SPAG16: variants seen among roughly 807,000 people sequenced by gnomAD.
The protein encoded by SPAG16 is sperm-associated antigen 16 protein.
In SPAG16, 86 loss-of-function variants were observed where a neutral mutation model predicts 80.4. The observed-to-expected ratio is 1.07, with a 90% CI of 0.90 to 1.28. The LOEUF (loss-of-function observed/expected upper bound fraction) is 1.28. Among genes scored for constraint, SPAG16 ranks in the 50% most tolerant of loss-of-function variants. The pLI is 0.00. For synonymous variants in SPAG16, 294 were observed against 265.9 expected, an observed-to-expected ratio of 1.11 and a Z score of -1.03; for missense variants, 870 against 765.3, an observed-to-expected ratio of 1.14 and a Z score of -1.61.
chr2:213,309,958 A>C, intron 3 of SPAG16, 101 bp from the exon 4 acceptor site: 1 of 692,390 alleles, frequency 1.4e-6, no homozygotes, highest in Non-Finnish European at 2.4e-6. Flanking sequence ...AACATTGTTG[A>C]AAAAAAATGA....
At chr2:213,719,330 C>A (rs1456448242) in intron 10 of SPAG16, among the ~76,000 whole-genome samples, 1 of 151,756 alleles carries the variant, frequency 6.6e-6, no homozygotes, top group Non-Finnish European at 1.5e-5. Context: ...GTAAACACAC[C>A]AATCAGCACC....
intron 10 of SPAG16, among the ~76,000 whole-genome samples, chr2:213,493,447 TTTAAA>T (rs1215860213): frequency 4.6e-5 from 7 of 152,330 alleles, no homozygotes; most frequent in South Asian, 2.1e-4. Context: ...CCAGACAGAT[TTTAAA>T]TTAAATTAGT....
At chr2:214,276,192 G>C (rs997114069) in intron 15 of SPAG16, among the ~76,000 whole-genome samples, 1 of 152,168 alleles carries the variant, frequency 6.6e-6, no homozygotes. Context: ...GTGTGTCTCT[G>C]CCCGTGAGAT....
At chr2:213,451,160 C>A (rs16850338) in intron 9 of SPAG16, among the ~76,000 whole-genome samples, 9,118 of 152,142 alleles carry the variant, frequency 0.06, 905 homozygotes, top group African/African-American at 0.21. Flanking sequence ...AGTATTATCT[C>A]ATTATGTATA....
At chr2:213,388,899 T>A (rs2067591128) in intron 9 of SPAG16, among the ~76,000 whole-genome samples, 1 of 152,184 alleles carries the variant, frequency 6.6e-6, no homozygotes, top group Admixed American at 6.5e-5. Flanking sequence ...GACCTTTTTT[T>A]TGCAAAAACA....
intron 14 of SPAG16, among the ~76,000 whole-genome samples, chr2:214,136,237 G>A (rs554606591): frequency 6.6e-6 from 1 of 152,152 alleles, no homozygotes; most frequent in African/African-American, 2.4e-5. Context: ...TAACACTGGG[G>A]ATCATATTTC....
At chr2:214,392,799 A>C (rs1012800205) in intron 15 of SPAG16, among the ~76,000 whole-genome samples, 1 of 152,116 alleles carries the variant, frequency 6.6e-6, no homozygotes, top group African/African-American at 2.4e-5. Flanking sequence ...ATGTGTATGC[A>C]TATTTACAAT....
intron 10 of SPAG16, among the ~76,000 whole-genome samples, chr2:213,721,088 T>C (rs565639222): frequency 6.6e-6 from 1 of 151,728 alleles, no homozygotes; most frequent in Non-Finnish European, 1.5e-5. Context: ...ATCATTATTA[T>C]AATTCCAATT....
At chr2:213,474,309 A>G (rs550433332) in intron 9 of SPAG16, among the ~76,000 whole-genome samples, 2 of 152,162 alleles carry the variant, frequency 1.3e-5, no homozygotes, top group South Asian at 2.1e-4. Context: ...CTTTTTTTCC[A>G]CAATTTCAGC....
At chr2:213,733,092 C>G (rs879099047) in intron 10 of SPAG16, among the ~76,000 whole-genome samples, 2 of 152,112 alleles carry the variant, frequency 1.3e-5, no homozygotes, top group Non-Finnish European at 2.9e-5. Context: ...GATGGTATCT[C>G]ATTGTGGTTT....
intron 12 of SPAG16, among the ~76,000 whole-genome samples, chr2:213,987,151 C>G (rs73987108): frequency 0.011 from 1,736 of 152,102 alleles, 26 homozygotes; most frequent in African/African-American, 0.039. Context: ...TACTCATCAG[C>G]TATTTATTAA....
chr2:213,949,168 A>AGTTTTTTTT (rs1559620130), intron 12 of SPAG16, among the ~76,000 whole-genome samples: 3 of 75,196 alleles, frequency 4.0e-5, no homozygotes, highest in Non-Finnish European at 5.8e-5. Context: ...TAATTACAAC[A>AGTTTTTTTT]GTTTTTTTTT....
chr2:213,697,841 C>CA (rs916909047), intron 10 of SPAG16, among the ~76,000 whole-genome samples: 19 of 152,068 alleles, frequency 1.2e-4, no homozygotes, highest in African/African-American at 4.3e-4. Context: ...CATTAATAAA[C>CA]AAAAAACCAC....
chr2:213,671,885 T>C (rs1244503009), intron 10 of SPAG16, among the ~76,000 whole-genome samples: 1 of 152,206 alleles, frequency 6.6e-6, no homozygotes, highest in Non-Finnish European at 1.5e-5. Context: ...GGAATGATTA[T>C]ACAGCAAATG....
intron 10 of SPAG16, among the ~76,000 whole-genome samples, chr2:213,827,434 T>A (rs551716373): frequency 6.6e-6 from 1 of 152,074 alleles, no homozygotes; most frequent in East Asian, 1.9e-4. Flanking sequence ...TTTGCATAAA[T>A]AAACTAACAA....
intron 1 of SPAG16, among the ~76,000 whole-genome samples, chr2:213,290,620 T>C (rs1227435218): frequency 6.6e-6 from 1 of 152,126 alleles, no homozygotes; most frequent in Non-Finnish European, 1.5e-5. Context: ...ATTAAGAAAC[T>C]GGATTTAGGC....
At chr2:214,317,128 C>G (rs1390581741) in intron 15 of SPAG16, among the ~76,000 whole-genome samples, 1 of 152,118 alleles carries the variant, frequency 6.6e-6, no homozygotes, top group Admixed American at 6.5e-5. Context: ...AAAATTAGAA[C>G]CAGAACCCCA....
chr2:214,106,288 C>T (rs764370073), intron 13 of SPAG16, among the ~76,000 whole-genome samples: 1 of 151,954 alleles, frequency 6.6e-6, no homozygotes, highest in Admixed American at 6.6e-5. Flanking sequence ...TTATGCTTTG[C>T]CTTTTTGGCT....
At chr2:214,316,102 T>C (rs922614651) in intron 15 of SPAG16, among the ~76,000 whole-genome samples, 2 of 151,520 alleles carry the variant, frequency 1.3e-5, no homozygotes, top group Non-Finnish European at 2.9e-5. Context: ...GAGCCTTGGG[T>C]CACTGTGGTG....
Sources: allele counts gnomAD v4.1 joint callset (sites outside exome capture counted in the v4.1 genomes callset), GRCh38; gene constraint gnomAD v4.1.1; transcripts MANE v1.5; gene names NCBI Gene and HGNC (gene_info 2026-07-23, HGNC 2026-07-21).